NELL1: variants seen among roughly 807,000 people sequenced by gnomAD.
NELL1 encodes the protein neural EGFL like 1.
A neutral mutation model predicts 107.4 loss-of-function variants in NELL1; 76 were observed. That is an observed-to-expected ratio of 0.71 (90% confidence interval 0.59 to 0.86). The LOEUF (loss-of-function observed/expected upper bound fraction) is 0.86. Ranked by LOEUF, NELL1 falls within the 40% of genes least tolerant of loss-of-function variation. The pLI, the probability that NELL1 is intolerant of heterozygous loss-of-function variation, is 0.00. For missense variants in NELL1, 1,024 were observed against 1,005.5 expected (o/e 1.02, Z -0.25); for synonymous variants, 353 against 341.2 (o/e 1.03, Z -0.38).
At chr11:20,822,011 A>G (rs1305659010) in intron 3 of NELL1, among the ~76,000 whole-genome samples, 1 of 152,162 alleles carries the variant, frequency 6.6e-6, no homozygotes, top group African/African-American at 2.4e-5. Context: ...AAAGGCTTCT[A>G]CCAAGGATAT....
chr11:20,832,398 A>C lies in NELL1; in HGVS notation c.336-15185A>C, dbSNP rs562416472. On this transcript the variant is annotated intron_variant, in intron 3 of 19. Coordinates refer to ENST00000357134, the MANE Select transcript of NELL1 (RefSeq NM_006157.5). Reference sequence around the variant, plus strand: ...TTTCAATTTTACATTTATTAGTGTGATTATTTTGTTAACATCTGTCTCCCA... The same window carrying C: ...TTTCAATTTTACATTTATTAGTGTGCTTATTTTGTTAACATCTGTCTCCCA... Among the ~76,000 whole-genome samples the C allele has an allele frequency of 2.6e-5, 4 of 152,282 alleles. No homozygotes were observed. In the South Asian group the frequency reaches 8.3e-4, roughly 32 times the overall value.
intron 15 of NELL1, among the ~76,000 whole-genome samples, chr11:21,523,553 A>T (rs1458390442): frequency 6.6e-6 from 1 of 152,138 alleles, no homozygotes; most frequent in East Asian, 1.9e-4. Flanking sequence ...GGATAATTTC[A>T]TCACACTTAT....
chr11:21,489,393 A>C (rs1283546864), intron 15 of NELL1, among the ~76,000 whole-genome samples: 3 of 143,990 alleles, frequency 2.1e-5, no homozygotes. Flanking sequence ...AAAAAAAAAA[A>C]AAAAAAAAAA....
intron 15 of NELL1, among the ~76,000 whole-genome samples, chr11:21,528,460 GT>G (rs1855909370): frequency 1.6e-5 from 2 of 128,142 alleles, no homozygotes; most frequent in Non-Finnish European, 3.5e-5. Context: ...TGGTTCATCA[GT>G]TTCTCTCTCT....
At chr11:21,574,530 T>C (rs115648106) in intron 19 of NELL1, among the ~76,000 whole-genome samples, 1,745 of 151,982 alleles carry the variant, frequency 0.011, 28 homozygotes, top group African/African-American at 0.04. Flanking sequence ...TGAGAGATTT[T>C]ATGCAAACCT....
chr11:21,521,081 C>T (rs1402052092), intron 15 of NELL1, among the ~76,000 whole-genome samples: 2 of 152,192 alleles, frequency 1.3e-5, no homozygotes, highest in African/African-American at 4.8e-5. Context: ...TGGTTTCTTA[C>T]AGATCTAAAG....
chr11:21,243,255 A>G (rs1297226885), intron 14 of NELL1, among the ~76,000 whole-genome samples: 1 of 152,166 alleles, frequency 6.6e-6, no homozygotes, highest in Non-Finnish European at 1.5e-5. Flanking sequence ...TTGTAGGTAG[A>G]ATATTAAAAT....
chr11:21,428,733 G>T (rs1438855574), intron 15 of NELL1, among the ~76,000 whole-genome samples: 3 of 152,150 alleles, frequency 2.0e-5, no homozygotes, highest in African/African-American at 2.4e-5. Context: ...TCAGAAAAGA[G>T]CCAAAGAAGG....
chr11:20,937,916 G>A, intron 10 of NELL1, 57 bp downstream of exon 10: 1 of 1,543,808 alleles, frequency 6.5e-7, no homozygotes, highest in Non-Finnish European at 9.0e-7. Context: ...ATAGATGTGT[G>A]GGCTTTAGAT....
At chr11:21,371,926 T>A (rs1851365768) in intron 15 of NELL1, among the ~76,000 whole-genome samples, 1 of 152,058 alleles carries the variant, frequency 6.6e-6, no homozygotes, top group South Asian at 2.1e-4. Context: ...ATTTATTATT[T>A]CTCACCCTGA....
At position 20,711,441 on chromosome 11, in the gene NELL1, A is replaced by AT. The variant is rs199677356; in HGVS notation, c.184+33388dup. Among the ~76,000 whole-genome samples, 1,400 of 151,586 alleles carry AT rather than the reference A, an allele frequency of 9.2e-3. 23 individuals are homozygous for AT. The highest frequency in any genetic ancestry group is 0.035 in the Admixed American group (538 of 15,242). Reference sequence around the variant, plus strand: ...TCATGTTGTTGCCTAAGTACCTTGTATTTTTTTCTCATTGTGTTATTGTTT... The same window carrying AT: ...TCATGTTGTTGCCTAAGTACCTTGTATTTTTTTTCTCATTGTGTTATTGTTT... On this transcript the variant is annotated intron_variant, in intron 2 of 19. Coordinates refer to ENST00000357134, the MANE Select transcript of NELL1 (RefSeq NM_006157.5).
intron 5 of NELL1, among the ~76,000 whole-genome samples, chr11:20,911,430 C>A (rs1850129434): frequency 1.3e-5 from 2 of 152,228 alleles, no homozygotes; most frequent in Middle Eastern, 3.4e-3. Context: ...TTATATAGCC[C>A]AGAAGTGATG....
chr11:21,511,183 A>G (rs1392275075), intron 15 of NELL1, among the ~76,000 whole-genome samples: 19 of 152,212 alleles, frequency 1.2e-4, no homozygotes, highest in Admixed American at 1.2e-3. Context: ...CTGAGATGTT[A>G]TCTCCAATAT....
At chr11:21,046,387 A>G (rs1853354124) in intron 12 of NELL1, among the ~76,000 whole-genome samples, 1 of 152,116 alleles carries the variant, frequency 6.6e-6, no homozygotes. Context: ...CTGTGTACTG[A>G]CTGTTTCAGC....
At chr11:21,041,052 C>A (rs894788721) in intron 12 of NELL1, among the ~76,000 whole-genome samples, 4 of 152,146 alleles carry the variant, frequency 2.6e-5, no homozygotes, top group Non-Finnish European at 4.4e-5. Flanking sequence ...TAGGCCCTTT[C>A]TTACATCTAT....
intron 13 of NELL1, among the ~76,000 whole-genome samples, chr11:21,208,225 C>T (rs977225588): frequency 6.6e-6 from 1 of 151,764 alleles, no homozygotes. Flanking sequence ...TAAAACAAAA[C>T]ACAATAAAAA....
chr11:21,094,128 C>A (rs2133693522), intron 12 of NELL1, among the ~76,000 whole-genome samples: 1 of 152,248 alleles, frequency 6.6e-6, no homozygotes, highest in East Asian at 1.9e-4. Flanking sequence ...GTAAATACAG[C>A]CACTCCAAAT....
rs781022861 is a variant in NELL1, at chr11:21,573,269, C to T, written c.2242C>T (p.Arg748Cys). The T allele has an allele frequency of 5.5e-5, 88 of 1,612,328 alleles. No individual in the cohort carries two copies. The highest frequency in any genetic ancestry group is 7.2e-5 in the Non-Finnish European group (85 of 1,179,064). The change falls in exon 19 of 20, where the codon CGC becomes TGC. Residue 748 changes from arginine (R) to cysteine (C), a missense_variant. Coordinates refer to ENST00000357134, the MANE Select transcript of NELL1 (RefSeq NM_006157.5). ...TATCTTAGAAGGGGAATGTTGTCCC[C>T]GCTGTGTCAGTGACCCCTGCCTAGC... ...TAILEGECCP[R>C]CVSDPCLADN...
chr11:21,081,957 G>A (rs750670074), intron 12 of NELL1, among the ~76,000 whole-genome samples: 10 of 152,212 alleles, frequency 6.6e-5, no homozygotes, highest in African/African-American at 9.6e-5. Flanking sequence ...AGATTTAGAC[G>A]CAGGCCACTT....
Sources: gnomAD v4.1 joint callset for allele counts (sites outside exome capture counted in the v4.1 genomes callset) on GRCh38, gnomAD v4.1.1 for gene constraint, MANE v1.5 for transcripts, NCBI Gene and HGNC (gene_info 2026-07-23, HGNC 2026-07-21) for gene names.